PHC2: variants seen among roughly 807,000 people sequenced by gnomAD.
The protein encoded by PHC2 is polyhomeotic-like protein 2.
In PHC2, 29 loss-of-function variants were observed where a neutral mutation model predicts 87.4. The observed-to-expected ratio is 0.33, with a 90% CI of 0.25 to 0.45. The LOEUF is 0.45. Among genes scored for constraint, PHC2 ranks in the 20% least tolerant of loss-of-function variants. The probability of loss-of-function intolerance (pLI) is 1.00; values close to 1 mark genes in which losing one functional copy is unlikely to be tolerated. For synonymous variants in PHC2, 438 were observed against 461.7 expected (o/e 0.95, Z 0.66); for missense variants, 857 against 1,136.7 (o/e 0.75, Z 3.54).
chr1:33,325,187 G>A (rs1646342970), intron 14 of PHC2, 168 bp from the exon 15 acceptor site: 2 of 676,202 alleles, frequency 3.0e-6, no homozygotes, highest in South Asian at 2.2e-5. Flanking sequence ...CAGCTTGAGA[G>A]AGGCTGTGCA....
chr1:33,343,383 T>C (rs1373782884), intron 9 of PHC2, among the ~76,000 whole-genome samples: 1 of 150,198 alleles, frequency 6.7e-6, no homozygotes, highest in Non-Finnish European at 1.5e-5. Flanking sequence ...GGCAGGAGAA[T>C]TGCTTGAACC....
rs1646921826 is a variant in PHC2, at chr1:33,349,665, G to C, written c.1558+4736C>G. The C allele has an allele frequency of 1.0e-6, 1 of 982,912 alleles. No individual in the cohort carries two copies. The highest frequency in any genetic ancestry group is 1.2e-6 in the Non-Finnish European group (1 of 829,488). 60.9% of individuals were successfully genotyped at this position (982,912 alleles called of 1,614,324 possible). A position where few individuals can be genotyped will look rare whatever the true frequency, so the allele number is the denominator to read the frequency against. On this transcript the variant is annotated intron_variant, in intron 9 of 14. Transcript: ENST00000683057. The surrounding 1 kb of genome is among the most constrained non-coding windows in gnomAD (Gnocchi z 4.2). ...GCCCCTCGGCCGGGCGCCGACTCGC[G>C]CGGGGTCCCGGGCCCGGGCGGGCCG... is the stretch of plus-strand genomic sequence containing the variant.
rs1646907627 is a variant in PHC2, at chr1:33,349,231, C to A, written c.1558+5170G>T. On this transcript the variant is annotated intron_variant, in intron 9 of 14. Transcript: ENST00000683057. This position sits in a 1 kb window ranked among gnomAD's most constrained non-coding sequence, Gnocchi z 4.2. ...TAGGGAGTCCACCACCAATAAAGTA[C>A]GGCAGATGCCAGCAGTCTCGTCCCC... The A allele has an allele frequency of 1.0e-6, 1 of 985,468 alleles. No homozygotes were observed. The highest frequency in any genetic ancestry group is 1.2e-6 in the Non-Finnish European group (1 of 829,956). 61.0% of individuals were successfully genotyped at this position (985,468 alleles called of 1,614,324 possible).
At chr1:33,357,648 A>G (rs779371876) in intron 7 of PHC2, among the ~76,000 whole-genome samples, 1 of 152,160 alleles carries the variant, frequency 6.6e-6, no homozygotes, top group African/African-American at 2.4e-5. Flanking sequence ...TGGTGATTAT[A>G]AACTGACCCC....
At chr1:33,400,002 G>T (rs1451456715) in intron 1 of PHC2, among the ~76,000 whole-genome samples, 3 of 151,674 alleles carry the variant, frequency 2.0e-5, no homozygotes, top group Non-Finnish European at 2.9e-5. Context: ...ATAGGCAAAG[G>T]ATATGAGCAA....
intron 2 of PHC2, 28 bp downstream of exon 2, chr1:33,375,338 A>G (rs777840810): frequency 5.3e-6 from 8 of 1,500,320 alleles, no homozygotes; most frequent in Admixed American, 2.1e-5. Flanking sequence ...ATTAAGGAGT[A>G]TAATTCCCAG....
intron 1 of PHC2, among the ~76,000 whole-genome samples, chr1:33,425,745 A>C (rs1026797644): frequency 1.3e-5 from 2 of 152,254 alleles, no homozygotes; most frequent in African/African-American, 4.8e-5. Context: ...ATGCCACAGC[A>C]TAACTAGGAG....
At chr1:33,388,221 GA>G (rs1317092630) in intron 1 of PHC2, among the ~76,000 whole-genome samples, 1 of 151,782 alleles carries the variant, frequency 6.6e-6, no homozygotes, top group Non-Finnish European at 1.5e-5. Flanking sequence ...AAGCTGTCTT[GA>G]TTCCTGTCTC....
intron 1 of PHC2, among the ~76,000 whole-genome samples, chr1:33,389,690 G>C (rs1190034905): frequency 6.6e-6 from 1 of 152,158 alleles, no homozygotes; most frequent in Non-Finnish European, 1.5e-5. Flanking sequence ...CTTTCTAGCA[G>C]AAACATAGCA....
At chr1:33,413,578 G>A (rs1211902907) in intron 1 of PHC2, among the ~76,000 whole-genome samples, 3 of 152,224 alleles carry the variant, frequency 2.0e-5, no homozygotes, top group Non-Finnish European at 4.4e-5. Context: ...AATCTCAAAA[G>A]TGAAGCTCTT....
intron 9 of PHC2, among the ~76,000 whole-genome samples, chr1:33,351,585 G>A (rs77261092): frequency 6.6e-6 from 1 of 152,104 alleles, no homozygotes; most frequent in Non-Finnish European, 1.5e-5. Flanking sequence ...AGCTCTTGAG[G>A]TGGGGTACAG....
chr1:33,349,365 A>G lies in PHC2; in HGVS notation c.1558+5036T>C. ...GGGACGCGGAAGCTGCGGCGCGCCG[A>G]GGTGACACGGCTTCCAGGGGCGACG... On this transcript the variant is annotated intron_variant, in intron 9 of 14. Coordinates refer to ENST00000683057, the MANE Select transcript of PHC2 (RefSeq NM_001385109.1). This position sits in a 1 kb window ranked among gnomAD's most constrained non-coding sequence, Gnocchi z 4.2. The G allele has an allele frequency of 1.0e-6, 1 of 985,144 alleles. No individual in the cohort carries two copies. The highest frequency in any genetic ancestry group is 1.2e-6 in the Non-Finnish European group (1 of 829,880). The allele number at this position is 985,144 out of a possible 1,614,324, so 61.0% of individuals were successfully genotyped here.
At chr1:33,352,210 C>G (rs943354014) in intron 9 of PHC2, among the ~76,000 whole-genome samples, 3 of 152,150 alleles carry the variant, frequency 2.0e-5, no homozygotes, top group Admixed American at 2.0e-4. Context: ...ACCACTGTTG[C>G]GGAGACAGGG....
intron 1 of PHC2, among the ~76,000 whole-genome samples, chr1:33,389,791 T>C (rs1648958429): frequency 6.6e-6 from 1 of 152,218 alleles, no homozygotes; most frequent in Non-Finnish European, 1.5e-5. Context: ...TTTATACTCG[T>C]AAGTTTGCCT....
At chr1:33,393,634 C>T (rs1005202763) in intron 1 of PHC2, among the ~76,000 whole-genome samples, 3 of 42,646 alleles carry the variant, frequency 7.0e-5, no homozygotes, top group African/African-American at 1.5e-4. Flanking sequence ...TCAGAGTGAG[C>T]AGGCTAGGCT....
intron 1 of PHC2, among the ~76,000 whole-genome samples, chr1:33,423,135 T>C (rs1407539687): frequency 6.6e-6 from 1 of 152,106 alleles, no homozygotes; most frequent in Non-Finnish European, 1.5e-5. Context: ...GTCCCTGCAG[T>C]GAACCCTTAC....
intron 7 of PHC2, among the ~76,000 whole-genome samples, chr1:33,365,160 C>T (rs1442311526): frequency 1.3e-5 from 2 of 152,166 alleles, no homozygotes; most frequent in Non-Finnish European, 2.9e-5. Context: ...TGGAGAACCT[C>T]TCTGAGCTTC....
intron 14 of PHC2, chr1:33,325,365 G>A (rs1646347239): frequency 4.5e-6 from 1 of 219,970 alleles, no homozygotes; most frequent in Non-Finnish European, 9.2e-6. Flanking sequence ...TCACTCTTCT[G>A]CCTGGGTTAC....
chr1:33,380,801 C>T (rs1648455833), intron 1 of PHC2, among the ~76,000 whole-genome samples: 1 of 152,212 alleles, frequency 6.6e-6, no homozygotes, highest in African/African-American at 2.4e-5. Context: ...TGCCCCCACC[C>T]CACAAGCTGC....
Sources: allele counts gnomAD v4.1 joint callset (sites outside exome capture counted in the v4.1 genomes callset), GRCh38; gene constraint gnomAD v4.1.1; non-coding constraint Gnocchi (gnomAD v3.1); transcripts MANE v1.5; gene names NCBI Gene and HGNC (gene_info 2026-07-23, HGNC 2026-07-21).